The following CSRP1 variants were observed in gnomAD, a reference collection of about 807,000 sequenced individuals.
The protein encoded by CSRP1 is cysteine and glycine rich protein 1, also known as cysteine and glycine-rich protein 1.
A neutral mutation model predicts 25.4 loss-of-function variants in CSRP1; 16 were observed. That is an observed-to-expected ratio of 0.63 (90% CI 0.43 to 0.96). The LOEUF is 0.96. Among genes scored for constraint, CSRP1 ranks in the 40% least tolerant of loss-of-function variants. The probability of loss-of-function intolerance (pLI) is 0.00; values close to 1 mark genes in which losing one functional copy is unlikely to be tolerated. For missense variants in CSRP1, 212 were observed against 243.6 expected, an observed-to-expected ratio of 0.87 and a Z score of 0.86; for synonymous variants, 97 against 95.3, an observed-to-expected ratio of 1.02 and a Z score of -0.10.
intron 2 of CSRP1, among the ~76,000 whole-genome samples, chr1:201,495,395 A>G (rs1419198928): frequency 6.6e-6 from 1 of 152,118 alleles, no homozygotes; most frequent in Non-Finnish European, 1.5e-5. Context: ...AAGAAAATGC[A>G]CCTTGCTGAA....
At position 201,488,918 on chromosome 1, in the gene CSRP1, G is replaced by A. The variant is rs772569849; in HGVS notation, c.348C>T (p.Ser116=). 18 of 1,613,998 alleles carry A rather than the reference G, an allele frequency of 1.1e-5. 1 individual carries two copies. Among genetic ancestry groups the A allele is most frequent in the South Asian group, 3.3e-5 (3 of 91,076 alleles). The change falls in exon 4 of 6, where the codon TCC becomes TCT. Residue 116 remains serine, a synonymous_variant. Coordinates refer to ENST00000340006, the MANE Select transcript of CSRP1 (RefSeq NM_004078.3). ...CCTGGCTGCATCGGGGGCAGCGCTC[G>A]GAGCCACCAATCTTCTGGGCAAATT... ...ASKFAQKIGG[S]ERCPRCSQAV... is the part of the protein sequence containing the mutation.
In CSRP1 at chr1:201,496,291, C is replaced by G. The variant is rs761271266; in HGVS notation, c.13G>C (p.Gly5Arg). 1 of 1,613,818 alleles carries G rather than the reference C, an allele frequency of 6.2e-7. No homozygotes were observed. The highest frequency in any genetic ancestry group is 1.7e-5 in the Admixed American group (1 of 60,032). The change falls in exon 2 of 6, where the codon GGA becomes CGA. Residue 5 changes from glycine to arginine, a missense_variant. Gly to Arg is a moderately radical substitution (Grantham distance 125). Transcript: ENST00000340006. Reference sequence around the variant, plus strand: ...CACACCCCACATTTCTTGCCTCCTCCCCAGTTCGGCATTCTGAAAAGGGAC... The same window carrying G: ...CACACCCCACATTTCTTGCCTCCTCGCCAGTTCGGCATTCTGAAAAGGGAC... The part of the protein sequence containing the change: MPNW[G>R]GGKKCGVCQK...
intron 4 of CSRP1, 52 bp from the exon 5 acceptor site, chr1:201,485,428 T>G: frequency 1.3e-6 from 2 of 1,518,984 alleles, no homozygotes; most frequent in Non-Finnish European, 1.8e-6. Context: ...GAGGGTACCC[T>G]CCACCCCAGG....
intron 5 of CSRP1, 121 bp downstream of exon 5, chr1:201,485,162 T>C: frequency 1.2e-6 from 1 of 861,656 alleles, no homozygotes; most frequent in Non-Finnish European, 2.0e-6. Context: ...GGAATCATAC[T>C]AGATGTTCAG....
intron 5 of CSRP1, 136 bp from the exon 6 acceptor site, chr1:201,484,925 A>T: frequency 1.4e-6 from 1 of 715,556 alleles, no homozygotes. Flanking sequence ...GTACCCCCTC[A>T]CCTCCACAGC....
intron 1 of CSRP1, among the ~76,000 whole-genome samples, chr1:201,497,509 A>C (rs964213998): frequency 6.6e-6 from 1 of 152,124 alleles, no homozygotes; most frequent in Non-Finnish European, 1.5e-5. Flanking sequence ...ACTTGAGAGA[A>C]TGAGGTACTT....
intron 3 of CSRP1, 180 bp from the exon 4 acceptor site, chr1:201,489,164 C>T: frequency 1.6e-6 from 1 of 641,148 alleles, no homozygotes; most frequent in Non-Finnish European, 2.6e-6. Context: ...ACAAACCAAG[C>T]CTCAGCACAA....
Position 201,496,294 on chromosome 1 carries a change from A to T in CSRP1, c.10T>A (p.Trp4Arg). Residue 4 changes from tryptophan (W) to arginine (R), a missense_variant, in exon 2 of 6, where the codon TGG (tryptophan) becomes AGG (arginine). Transcript: ENST00000340006. ...ACCCCACATTTCTTGCCTCCTCCCC[A>T]GTTCGGCATTCTGAAAAGGGACACA... Reference protein sequence around the residue: MPNWGGGKKCGVCQ... With the variant: MPNRGGGKKCGVCQ... 2 of 1,613,800 alleles carry T rather than the reference A, an allele frequency of 1.2e-6. No homozygotes were observed. Among genetic ancestry groups the T allele is most frequent in the Non-Finnish European group, 1.7e-6 (2 of 1,179,766 alleles).
intron 1 of CSRP1, among the ~76,000 whole-genome samples, chr1:201,497,162 C>T (rs1415443618): frequency 6.6e-6 from 1 of 151,898 alleles, no homozygotes; most frequent in East Asian, 1.9e-4. Flanking sequence ...AGTTCCAGAT[C>T]AGACTGGCCA....
Position 201,488,926 on chromosome 1 carries a change from C to T in CSRP1, c.340G>A (p.Gly114Ser). 6.2e-7 allele frequency: 1 copy of T among 1,614,148 alleles called. No individual in the cohort carries two copies. The highest frequency in any genetic ancestry group is 8.5e-7 in the Non-Finnish European group (1 of 1,180,026). ...PNASKFAQKI[G>S]GSERCPRCSQ... is the part of the protein sequence containing the mutation. ...CATCGGGGGCAGCGCTCGGAGCCAC[C>T]AATCTTCTGGGCAAATTTGGATGCA... The change falls in exon 4 of 6, where the codon GGT becomes AGT. Residue 114 changes from glycine (G) to serine (S), a missense_variant. Coordinates refer to ENST00000340006, the MANE Select transcript of CSRP1 (RefSeq NM_004078.3).
chr1:201,496,206 G>T lies in CSRP1; in HGVS notation c.98C>A (p.Ser33Tyr). ...GGCGTACTCACTGCACAGGAAGCAG[G>T]ATTTATGGAAGCTGTTGCCTTCGCA... is the stretch of plus-strand genomic sequence containing the variant. ...VQCEGNSFHK[S>Y]CFLCMVCKKN... The change falls in exon 2 of 6, where the codon TCC becomes TAC. Residue 33 changes from serine to tyrosine, a missense_variant. Transcript: ENST00000340006. The T allele has an allele frequency of 6.2e-7, 1 of 1,614,014 alleles. No homozygotes were observed. The highest frequency in any genetic ancestry group is 8.5e-7 in the Non-Finnish European group (1 of 1,179,892).
In CSRP1 at chr1:201,484,667, G is replaced by A. The variant is rs371784231; in HGVS notation, c.*46C>T. On this transcript the variant is annotated 3_prime_UTR_variant, in exon 6 of 6. Coordinates refer to ENST00000340006, the MANE Select transcript of CSRP1 (RefSeq NM_004078.3). ...CCAAAGCTGCTGGGAATGGAATGGC[G>A]ATGAAAAGCGCAGGAGTGGGCAGGG... 3.7e-5 allele frequency: 57 copies of A among 1,534,740 alleles called. 1 individual carries two copies. Among genetic ancestry groups the A allele is most frequent in the African/African-American group, 1.6e-4 (12 of 73,554 alleles).
intron 1 of CSRP1, among the ~76,000 whole-genome samples, chr1:201,504,954 G>A (rs1276928965): frequency 2.0e-5 from 3 of 152,156 alleles, no homozygotes; most frequent in Non-Finnish European, 4.4e-5. Flanking sequence ...CAAACAATTA[G>A]CTGGGCATAT....
chr1:201,493,905 T>G (rs893895961), intron 2 of CSRP1, among the ~76,000 whole-genome samples: 6 of 152,206 alleles, frequency 3.9e-5, no homozygotes, highest in African/African-American at 1.4e-4. Flanking sequence ...AGGAACCCAC[T>G]TTGTGCCAGG....
chr1:201,498,589 C>T (rs1367668453), intron 1 of CSRP1, among the ~76,000 whole-genome samples: 1 of 152,208 alleles, frequency 6.6e-6, no homozygotes, highest in East Asian at 1.9e-4. Flanking sequence ...ATACAGTCTC[C>T]ATTACTGGAG....
At chr1:201,493,118 G>A (rs1557973587) in intron 2 of CSRP1, among the ~76,000 whole-genome samples, 3 of 152,220 alleles carry the variant, frequency 2.0e-5, no homozygotes, top group African/African-American at 7.2e-5. Context: ...ACGGAGCTGA[G>A]CTTTCCCACC....
At chr1:201,495,018 C>G (rs564469019) in intron 2 of CSRP1, among the ~76,000 whole-genome samples, 5 of 152,328 alleles carry the variant, frequency 3.3e-5, no homozygotes, top group African/African-American at 1.2e-4. Context: ...AACTGAGTAA[C>G]TTGTCCATCA....
intron 4 of CSRP1, chr1:201,486,666 T>C: frequency 6.7e-6 from 7 of 1,046,804 alleles, no homozygotes; most frequent in Non-Finnish European, 8.1e-6. Flanking sequence ...CTCCTCATAT[T>C]TCCTAGCCAC....
intron 5 of CSRP1, 30 bp downstream of exon 5, chr1:201,485,253 T>C: frequency 6.2e-7 from 1 of 1,608,492 alleles, no homozygotes; most frequent in Non-Finnish European, 8.5e-7. Context: ...TTGGGCCTCC[T>C]GACCCTCAAT....
Sources: allele counts gnomAD v4.1 joint callset (sites outside exome capture counted in the v4.1 genomes callset), GRCh38; gene constraint gnomAD v4.1.1; transcripts MANE v1.5; gene names NCBI Gene and HGNC (gene_info 2026-07-23, HGNC 2026-07-21).